Variants in STARD13 observed in about 807,000 individuals in gnomAD.
The protein encoded by STARD13 is stAR-related lipid transfer protein 13.
STARD13 carries 62 observed loss-of-function variants against 106.4 expected under a neutral mutation model. The ratio of observed to expected loss-of-function variants is 0.58; its 90% CI spans 0.48 to 0.72. The LOEUF (loss-of-function observed/expected upper bound fraction) is 0.72, where lower values mean the gene tolerates loss of function less well. Ranked by LOEUF, STARD13 falls within the 30% of genes least tolerant of loss-of-function variation. The probability of loss-of-function intolerance (pLI) is 0.00; values close to 1 mark genes in which losing one functional copy is unlikely to be tolerated. For synonymous variants in STARD13, 565 were observed against 553.0 expected (o/e 1.02, Z -0.31); for missense variants, 1,387 against 1,424.0 (o/e 0.97, Z 0.42).
At chr13:33,523,882 A>T in the STARD13 span, among the ~76,000 whole-genome samples, 1 of 152,094 alleles carries the variant, frequency 6.6e-6, no homozygotes, top group Admixed American at 6.6e-5. Flanking sequence ...CGACAGGGAG[A>T]CTTTTAAACA....
chr13:33,628,034 G>A, the STARD13 span, among the ~76,000 whole-genome samples: 4 of 148,176 alleles, frequency 2.7e-5, no homozygotes, highest in Admixed American at 6.8e-5. Context: ...GCACGATCTC[G>A]ACTCACTGCA....
At chr13:33,107,904 T>C (rs1346604797) in intron 12 of STARD13, among the ~76,000 whole-genome samples, 1 of 152,212 alleles carries the variant, frequency 6.6e-6, no homozygotes, top group African/African-American at 2.4e-5. Flanking sequence ...CAAATTCTAT[T>C]CCCTTACTAA....
At chr13:33,590,276 C>T in the STARD13 span, among the ~76,000 whole-genome samples, 5 of 151,964 alleles carry the variant, frequency 3.3e-5, no homozygotes, top group African/African-American at 7.3e-5. Flanking sequence ...TCAACCATTG[C>T]GGAAGACAGT....
chr13:33,430,564 T>C, the STARD13 span, among the ~76,000 whole-genome samples: 2 of 152,220 alleles, frequency 1.3e-5, no homozygotes, highest in Non-Finnish European at 2.9e-5. Context: ...CCACCAATTC[T>C]ACCACTGGAT....
chr13:33,349,347 A>G, intron 1 of STARD13: 2 of 669,576 alleles, frequency 3.0e-6, no homozygotes, highest in South Asian at 1.6e-5. Context: ...TGGGGTCCTA[A>G]ACCCTGCACT....
At chr13:33,595,443 G>C in the STARD13 span, among the ~76,000 whole-genome samples, 6 of 152,042 alleles carry the variant, frequency 3.9e-5, no homozygotes, top group Non-Finnish European at 8.8e-5. Context: ...AAATTAAATG[G>C]ATCACTAGGC....
At chr13:33,512,426 A>G in the STARD13 span, among the ~76,000 whole-genome samples, 1 of 152,114 alleles carries the variant, frequency 6.6e-6, no homozygotes. Flanking sequence ...GAGTCCTTAG[A>G]GCAAAGACAG....
the STARD13 span, among the ~76,000 whole-genome samples, chr13:33,363,597 T>G: frequency 6.6e-6 from 1 of 152,230 alleles, no homozygotes; most frequent in Admixed American, 6.5e-5. Context: ...ATAGAAGAAA[T>G]AGAGGAACTG....
the STARD13 span, among the ~76,000 whole-genome samples, chr13:33,542,157 ATTTG>A: frequency 4.0e-3 from 605 of 152,260 alleles, 1 homozygote; most frequent in Non-Finnish European, 7.0e-3. Flanking sequence ...CGAGTAGTCT[ATTTG>A]TTTGCGTGCC....
chr13:33,349,939 A>G (rs1161095315), intron 1 of STARD13, among the ~76,000 whole-genome samples: 1 of 152,218 alleles, frequency 6.6e-6, no homozygotes, highest in Non-Finnish European at 1.5e-5. Context: ...CTGGGCACTT[A>G]TTCACTGGGG....
At chr13:33,241,262 A>T (rs1889476277) in intron 1 of STARD13, among the ~76,000 whole-genome samples, 2 of 152,170 alleles carry the variant, frequency 1.3e-5, no homozygotes, top group South Asian at 2.1e-4. Context: ...GCACTAATGG[A>T]GGTCAATAAA....
the STARD13 span, among the ~76,000 whole-genome samples, chr13:33,379,103 C>G: frequency 6.6e-6 from 1 of 152,244 alleles, no homozygotes; most frequent in East Asian, 1.9e-4. Flanking sequence ...GAATAATACC[C>G]TATCTCAAAA....
At chr13:33,385,780 A>G in the STARD13 span, among the ~76,000 whole-genome samples, 21 of 148,662 alleles carry the variant, frequency 1.4e-4, no homozygotes, top group South Asian at 3.9e-3. Context: ...GAATCACTTG[A>G]GTCCGGGTTG....
intron 1 of STARD13, among the ~76,000 whole-genome samples, chr13:33,240,864 A>T (rs1009071480): frequency 1.5e-4 from 23 of 152,034 alleles, no homozygotes; most frequent in African/African-American, 5.6e-4. Context: ...TCATTTTCAG[A>T]TTGATAATTG....
the STARD13 span, among the ~76,000 whole-genome samples, chr13:33,516,660 G>A: frequency 6.6e-6 from 1 of 151,608 alleles, no homozygotes; most frequent in South Asian, 2.1e-4. Flanking sequence ...ACCACCTAGA[G>A]CTTCTCTGTC....
chr13:33,278,846 T>C (rs1891597998), intron 1 of STARD13, among the ~76,000 whole-genome samples: 1 of 152,198 alleles, frequency 6.6e-6, no homozygotes, highest in Admixed American at 6.6e-5. Flanking sequence ...TTGGCCAACA[T>C]TTCTCTTTTC....
chr13:33,386,957 T>C, the STARD13 span, among the ~76,000 whole-genome samples: 1 of 152,186 alleles, frequency 6.6e-6, no homozygotes, highest in African/African-American at 2.4e-5. Context: ...CAATTCTGCA[T>C]AGGCCTGCTA....
intron 1 of STARD13, among the ~76,000 whole-genome samples, chr13:33,219,428 A>T (rs1594122731): frequency 6.6e-6 from 1 of 150,698 alleles, no homozygotes; most frequent in East Asian, 2.0e-4. Flanking sequence ...AACAAGTATA[A>T]AAATAGGTCG....
In STARD13 at chr13:33,167,625, GA is replaced by G; in HGVS notation, c.170-4del. 6.2e-7 allele frequency: 1 copy of G among 1,614,022 alleles called. No homozygotes were observed. On this transcript the variant is annotated splice_polypyrimidine_tract_variant and splice_region_variant and intron_variant, in intron 1 of 13. Coordinates refer to ENST00000336934, the MANE Select transcript of STARD13 (RefSeq NM_178006.4). ...ACATGCTTCTTTTGCCTCAATTTCT[GA>G]AAAACACAAGAGAGATAAAATTGTG...
Sources: allele counts gnomAD v4.1 joint callset (sites outside exome capture counted in the v4.1 genomes callset), GRCh38; gene constraint gnomAD v4.1.1; transcripts MANE v1.5; gene names NCBI Gene and HGNC (gene_info 2026-07-23, HGNC 2026-07-21).